TSGA10IP: variants seen among roughly 807,000 people sequenced by gnomAD.
The protein encoded by TSGA10IP is testis-specific protein 10-interacting protein.
TSGA10IP carries 64 observed loss-of-function variants against 63.2 expected under a neutral mutation model. That is an observed-to-expected ratio of 1.01 (90% CI 0.83 to 1.25). The LOEUF (loss-of-function observed/expected upper bound fraction) is 1.25, where lower values mean the gene tolerates loss of function less well. Ranked by LOEUF, TSGA10IP falls within the 50% of genes most tolerant of loss-of-function variation. The pLI, the probability that TSGA10IP is intolerant of heterozygous loss-of-function variation, is 0.00. For missense variants in TSGA10IP, 681 were observed against 710.1 expected (o/e 0.96, Z 0.47); for synonymous variants, 316 against 298.3 (o/e 1.06, Z -0.61).
intron 4 of TSGA10IP, among the ~76,000 whole-genome samples, chr11:65,950,119 G>A (rs1316091791): frequency 6.6e-6 from 1 of 151,970 alleles, no homozygotes; most frequent in African/African-American, 2.4e-5. Flanking sequence ...CCAAAGTGCG[G>A]GGATCACAGG....
chr11:65,948,186 G>T, intron 4 of TSGA10IP, 38 bp downstream of exon 4: 1 of 1,579,222 alleles, frequency 6.3e-7, no homozygotes. Flanking sequence ...CCCAGAATGA[G>T]AAGTAGAGAT....
At chr11:65,945,595 C>A (rs955465019) in exon 1 of TSGA10IP, 2 of 1,509,996 alleles carry the variant, frequency 1.3e-6, no homozygotes, top group Admixed American at 3.7e-5. Flanking sequence ...TTTGCCAGAC[C>A]CATTGAGACT....
rs1358403428 is a variant in TSGA10IP at position 65,948,167 on chromosome 11, G to A, written c.1151+19G>A. 1.3e-6 allele frequency: 2 copies of A among 1,595,620 alleles called. No individual in the cohort carries two copies. The highest frequency in any genetic ancestry group is 1.7e-6 in the Non-Finnish European group (2 of 1,171,596). On this transcript the variant is annotated intron_variant, in intron 4 of 7. Transcript: ENST00000532620. ...CCACCAGGTAAGAGGGAAGAGAAGG[G>A]AGTGGGAGCCCAGAATGAGAAGTAG...
At chr11:65,953,691 G>A (rs1273542744) in exon 5 of TSGA10IP, 11 of 1,583,510 alleles carry the variant, frequency 6.9e-6, no homozygotes, top group Non-Finnish European at 9.4e-6. Context: ...CGCACCCAGA[G>A]GGAGCCGGGG....
intron 4 of TSGA10IP, among the ~76,000 whole-genome samples, chr11:65,948,387 G>C (rs763684934): frequency 6.6e-6 from 1 of 151,754 alleles, no homozygotes; most frequent in Non-Finnish European, 1.5e-5. Flanking sequence ...CTCAATACCT[G>C]GCCAATTATC....
intron 4 of TSGA10IP, among the ~76,000 whole-genome samples, chr11:65,949,263 G>C (rs141908067): frequency 1.7e-4 from 26 of 152,238 alleles, no homozygotes; most frequent in Non-Finnish European, 2.6e-4. Context: ...GAGACTGTTG[G>C]CAACACTGAG....
chr11:65,958,814 G>T, intron 5 of TSGA10IP, 69 bp from the exon 6 acceptor site: 1 of 1,307,978 alleles, frequency 7.6e-7, no homozygotes, highest in Non-Finnish European at 1.1e-6. Context: ...GTGAAGATAA[G>T]CGGGCTCAGG....
rs374726772 is a variant in TSGA10IP at position 65,947,076 on chromosome 11, C to T, written c.285-34C>T. The T allele has an allele frequency of 1.8e-5, 29 of 1,607,026 alleles. No individual in the cohort carries two copies. In the African/African-American group the frequency reaches 2.5e-4, roughly 14 times the overall value. On this transcript the variant is annotated intron_variant, in intron 2 of 7. Coordinates refer to ENST00000532620, the Ensembl canonical transcript of TSGA10IP. ...GGGGTCAGGGCCCTCTGGGGGCTGG[C>T]GCCGACCCTGACCCCCACCCTTTCC... is the stretch of plus-strand genomic sequence containing the variant.
At chr11:65,956,964 C>T (rs1473615519) in intron 5 of TSGA10IP, among the ~76,000 whole-genome samples, 1 of 152,188 alleles carries the variant, frequency 6.6e-6, no homozygotes, top group East Asian at 1.9e-4. Context: ...AGGTATCTCC[C>T]ATGCAGTCTC....
intron 5 of TSGA10IP, among the ~76,000 whole-genome samples, chr11:65,955,256 G>A (rs1471474041): frequency 3.9e-5 from 6 of 151,974 alleles, no homozygotes; most frequent in Non-Finnish European, 4.4e-5. Flanking sequence ...GCTGTGCTAG[G>A]TATGAGGGAA....
At chr11:65,950,771 C>T (rs1361132987) in intron 4 of TSGA10IP, among the ~76,000 whole-genome samples, 2 of 152,104 alleles carry the variant, frequency 1.3e-5, no homozygotes, top group Non-Finnish European at 2.9e-5. Context: ...ACTGTGTTAG[C>T]CAGGATGGTC....
chr11:65,946,923 A>G (rs746443480), exon 2 of TSGA10IP: 24 of 1,613,962 alleles, frequency 1.5e-5, no homozygotes, highest in Non-Finnish European at 1.9e-5. Context: ...CAAGACCTGC[A>G]GCAGAGGTCT....
chr11:65,956,913 C>T (rs1405530163), intron 5 of TSGA10IP, among the ~76,000 whole-genome samples: 3 of 152,196 alleles, frequency 2.0e-5, no homozygotes, highest in Non-Finnish European at 2.9e-5. Context: ...GATTCAACCT[C>T]ACTCCTTTTA....
chr11:65,959,278 GA>G lies in TSGA10IP; in HGVS notation c.1514del (p.Lys505ArgfsTer19). 1 of 1,611,362 alleles carries G rather than the reference GA, an allele frequency of 6.2e-7. No individual in the cohort carries two copies. The highest frequency in any genetic ancestry group is 8.5e-7 in the Non-Finnish European group (1 of 1,179,452). On this transcript the variant is annotated frameshift_variant, in exon 7 of 8. Coordinates refer to ENST00000532620, the Ensembl canonical transcript of TSGA10IP. LOFTEE classifies it low-confidence loss of function (END_TRUNC). ...GAGGAGCAGCTGCTGTCTGAGGCAG[GA>G]AAGGTGGACAGAGAGGGCACCCCCA...
chr11:65,959,038 T>G, intron 6 of TSGA10IP, 56 bp downstream of exon 6: 20 of 1,595,984 alleles, frequency 1.3e-5, no homozygotes, highest in Non-Finnish European at 1.5e-5. Flanking sequence ...GCTGGCTGAG[T>G]GGGTAGGGAA....
intron 1 of TSGA10IP, 125 bp downstream of exon 1, chr11:65,945,947 G>C (rs1854823850): frequency 8.2e-7 from 1 of 1,214,146 alleles, no homozygotes; most frequent in Non-Finnish European, 1.2e-6. Flanking sequence ...ACTCAGGGAG[G>C]CAGGAGTGGG....
intron 5 of TSGA10IP, among the ~76,000 whole-genome samples, chr11:65,956,621 G>A (rs1036802914): frequency 6.6e-5 from 10 of 151,858 alleles, no homozygotes; most frequent in African/African-American, 9.7e-5. Flanking sequence ...TCCATCTCCC[G>A]GGCTCAAGCA....
intron 4 of TSGA10IP, among the ~76,000 whole-genome samples, chr11:65,950,656 G>A (rs906941604): frequency 4.0e-5 from 6 of 151,738 alleles, no homozygotes; most frequent in African/African-American, 1.2e-4. Flanking sequence ...TCCGCCTCCC[G>A]GGTTCACGCC....
At chr11:65,956,526 T>C (rs778819869) in intron 5 of TSGA10IP, among the ~76,000 whole-genome samples, 20 of 151,774 alleles carry the variant, frequency 1.3e-4, no homozygotes, top group Non-Finnish European at 2.6e-4. Flanking sequence ...CTTGGGCCAA[T>C]GTTTAGGGGG....
Sources: gnomAD v4.1 joint callset for allele counts (sites outside exome capture counted in the v4.1 genomes callset) on GRCh38, gnomAD v4.1.1 for gene constraint, MANE v1.5 for transcripts, NCBI Gene and HGNC (gene_info 2026-07-23, HGNC 2026-07-21) for gene names.